The following MFSD6 variants were observed in gnomAD, a reference collection of about 807,000 sequenced individuals.
The protein encoded by MFSD6 is major facilitator superfamily domain containing 6.
In MFSD6, 26 loss-of-function variants were observed where a neutral mutation model predicts 56.3. The ratio of observed to expected loss-of-function variants is 0.46; its 90% CI spans 0.34 to 0.64. The LOEUF (loss-of-function observed/expected upper bound fraction) is 0.64. Ranked by LOEUF, MFSD6 falls within the 30% of genes least tolerant of loss-of-function variation. MFSD6 has a pLI of 0.01. For missense variants in MFSD6, 750 were observed against 986.2 expected, an observed-to-expected ratio of 0.76 and a Z score of 3.21; for synonymous variants, 331 against 366.9, an observed-to-expected ratio of 0.90 and a Z score of 1.12.
At chr2:190,482,240 T>C (rs1688715023) in intron 4 of MFSD6, among the ~76,000 whole-genome samples, 3 of 152,182 alleles carry the variant, frequency 2.0e-5, no homozygotes, top group African/African-American at 7.2e-5. Flanking sequence ...CTCCTGTTCA[T>C]TGGACTTTGT....
At position 190,436,001 on chromosome 2, in the gene MFSD6, T is replaced by G. The variant is rs747168714; in HGVS notation, c.-29T>G. ...GATCAACAGTACAAATTCTGAAGTTTGTAAACTTGCTGATGGTGGTGGTAA... is the reference window on the plus strand; with the variant it reads ...GATCAACAGTACAAATTCTGAAGTTGGTAAACTTGCTGATGGTGGTGGTAA... On this transcript the variant is annotated 5_prime_UTR_variant, in exon 3 of 8. Transcript: ENST00000392328. This position sits in a 1 kb window ranked among gnomAD's most constrained non-coding sequence, Gnocchi z 5.3. The G allele has an allele frequency of 1.9e-6, 3 of 1,578,708 alleles. No homozygotes were observed. Among genetic ancestry groups the G allele is most frequent in the South Asian group, 2.3e-5 (2 of 85,644 alleles).
intron 3 of MFSD6, among the ~76,000 whole-genome samples, chr2:190,460,137 T>C (rs1687248883): frequency 6.6e-6 from 1 of 152,244 alleles, no homozygotes. Context: ...GCTCAGAGCA[T>C]GTGCTGAAGT....
Position 190,433,213 on chromosome 2 carries a change from G to GT in MFSD6, c.-53-2763dup, listed in dbSNP as rs1257693329. ...TTTAATCTGCTCTCTTTACCCAGAA[G>GT]TATCACATAATTTTATACATTTGAA... On this transcript the variant is annotated intron_variant, in intron 2 of 7. Coordinates refer to ENST00000392328, the MANE Select transcript of MFSD6 (RefSeq NM_017694.4). This position sits in a 1 kb window ranked among gnomAD's most constrained non-coding sequence, Gnocchi z 4.5. 1 of 152,142 alleles carries GT rather than the reference G, an allele frequency of 6.6e-6. No homozygotes were observed. The highest frequency in any genetic ancestry group is 6.5e-5 in the Admixed American group (1 of 15,268). 9.4% of individuals were successfully genotyped at this position (152,142 alleles called of 1,614,324 possible). A position where few individuals can be genotyped will look rare whatever the true frequency, so the allele number is the denominator to read the frequency against.
At position 190,457,792 on chromosome 2, in the gene MFSD6, C is replaced by T. The variant is rs775115044; in HGVS notation, c.1533-11966C>T. On this transcript the variant is annotated intron_variant, in intron 3 of 7. Transcript: ENST00000392328. The surrounding 1 kb of genome is among the most constrained non-coding windows in gnomAD (Gnocchi z 5.1). ...CAGTTATGACCACTCCTGAGAAAGT[C>T]CACCTCAACTATGCATGTGCCCTGG... is the stretch of plus-strand genomic sequence containing the variant. Among the ~76,000 whole-genome samples the T allele has an allele frequency of 1.3e-5, 2 of 152,174 alleles. No individual in the cohort carries two copies. Among genetic ancestry groups the T allele is most frequent in the Non-Finnish European group, 2.9e-5 (2 of 68,028 alleles).
At chr2:190,452,707 A>G (rs1200079951) in intron 3 of MFSD6, among the ~76,000 whole-genome samples, 1 of 152,070 alleles carries the variant, frequency 6.6e-6, no homozygotes, top group African/African-American at 2.4e-5. Flanking sequence ...AATGGTTTCA[A>G]CCACCCTCCT....
intron 3 of MFSD6, among the ~76,000 whole-genome samples, chr2:190,450,526 T>C (rs1686742075): frequency 1.6e-5 from 2 of 121,290 alleles, no homozygotes; most frequent in South Asian, 5.7e-4. Flanking sequence ...GGGGTCTCAC[T>C]CTGTCTCCCA....
At position 190,463,778 on chromosome 2, in the gene MFSD6, C is replaced by T; in HGVS notation, c.1533-5980C>T. 1.5e-6 allele frequency: 1 copy of T among 667,216 alleles called. No individual in the cohort carries two copies. The highest frequency in any genetic ancestry group is 1.9e-6 in the Non-Finnish European group (1 of 539,404). The allele number at this position is 667,216 out of a possible 1,614,324, so 41.3% of individuals were successfully genotyped here. ...AAGGCTGCATTGAGCTGTGATGACG[C>T]TACTGCACTCCAGCCTGGGTAACAG... On this transcript the variant is annotated intron_variant, in intron 3 of 7. Transcript: ENST00000392328. The surrounding 1 kb of genome is among the most constrained non-coding windows in gnomAD (Gnocchi z 4.4).
In MFSD6 at chr2:190,423,380, T is replaced by C. The variant is rs1685693003; in HGVS notation, c.-54+7967T>C. On this transcript the variant is annotated intron_variant, in intron 2 of 7. Coordinates refer to ENST00000392328, the MANE Select transcript of MFSD6 (RefSeq NM_017694.4). The surrounding 1 kb of genome is among the most constrained non-coding windows in gnomAD (Gnocchi z 4.3). ...CAAGAATGTTATATGAATAGAATCA[T>C]ACAGTATGTAATGTTTTGAGATAGG... 6.6e-6 allele frequency among the ~76,000 whole-genome samples: 1 copy of C among 152,244 alleles called. No homozygotes were observed. The highest frequency in any genetic ancestry group is 2.4e-5 in the African/African-American group (1 of 41,464).
At position 190,471,085 on chromosome 2, in the gene MFSD6, G is replaced by C. The variant is rs1574186340; in HGVS notation, c.1630+1230G>C. Among the ~76,000 whole-genome samples, 1 of 152,110 alleles carries C rather than the reference G, an allele frequency of 6.6e-6. No individual in the cohort carries two copies. The highest frequency in any genetic ancestry group is 2.1e-4 in the South Asian group (1 of 4,824). ...GAGGGGAGGCACACATCTCAGTTTT[G>C]TGTCATTTAAGAATAACAGGAGGGT... On this transcript the variant is annotated intron_variant, in intron 4 of 7. Transcript: ENST00000392328. This position sits in a 1 kb window ranked among gnomAD's most constrained non-coding sequence, Gnocchi z 4.7.
intron 6 of MFSD6, among the ~76,000 whole-genome samples, chr2:190,493,496 A>T (rs369756651): frequency 6.6e-6 from 1 of 152,188 alleles, no homozygotes; most frequent in East Asian, 1.9e-4. Flanking sequence ...CAACAAAGAA[A>T]CAATGGATTT....
chr2:190,411,194 T>C (rs80123816), intron 1 of MFSD6: 214,840 of 917,918 alleles, frequency 0.23, 25,588 homozygotes, highest in East Asian at 0.29. Flanking sequence ...AGAGTCTCGC[T>C]CTGTCACCAG....
chr2:190,450,945 T>TC (rs1162310276), intron 3 of MFSD6, among the ~76,000 whole-genome samples: 11 of 152,184 alleles, frequency 7.2e-5, no homozygotes, highest in Admixed American at 7.2e-4. Flanking sequence ...CAGTGAGGAA[T>TC]CCTCAGTGAT....
At position 190,491,175 on chromosome 2, in the gene MFSD6, A is replaced by C. The variant is rs761952887; in HGVS notation, c.1891+1309A>C. ...AAAATAAGCAATCAAATTTTAACTCATCTTTGATTAGTGAGAATATGGTAC... is the reference window on the plus strand; with the variant it reads ...AAAATAAGCAATCAAATTTTAACTCCTCTTTGATTAGTGAGAATATGGTAC... On this transcript the variant is annotated intron_variant, in intron 6 of 7. Coordinates refer to ENST00000392328, the MANE Select transcript of MFSD6 (RefSeq NM_017694.4). This position sits in a 1 kb window ranked among gnomAD's most constrained non-coding sequence, Gnocchi z 4.2. Among the ~76,000 whole-genome samples, 1 of 152,240 alleles carries C rather than the reference A, an allele frequency of 6.6e-6. No homozygotes were observed. Among genetic ancestry groups the C allele is most frequent in the East Asian group, 1.9e-4 (1 of 5,204 alleles).
chr2:190,473,628 C>CT (rs1412773593), intron 4 of MFSD6, among the ~76,000 whole-genome samples: 6 of 152,192 alleles, frequency 3.9e-5, no homozygotes, highest in Non-Finnish European at 8.8e-5. Flanking sequence ...TAATTGGAGA[C>CT]TTTAACACCC....
chr2:190,428,116 G>T (rs191639109), intron 2 of MFSD6, among the ~76,000 whole-genome samples: 1 of 152,234 alleles, frequency 6.6e-6, no homozygotes, highest in Admixed American at 6.5e-5. Context: ...GTGATCTTTT[G>T]TTTCCTGCTT....
rs1366869875 is a variant in MFSD6 at position 190,411,176 on chromosome 2, TTTCAGA to T, written c.-176+2674_-176+2679del. ...GTTGACAGTAGTTTTTTTTTTTTTT[TTTCAGA>T]CAGAGTCTCGCTCTGTCACCAGGCT... On this transcript the variant is annotated intron_variant, in intron 1 of 7. Coordinates refer to ENST00000392328, the MANE Select transcript of MFSD6 (RefSeq NM_017694.4). 4 of 974,664 alleles carry T rather than the reference TTTCAGA, an allele frequency of 4.1e-6. No homozygotes were observed. The African/African-American group carries it at 7.1e-5, about 17-fold the overall frequency. 60.4% of individuals were successfully genotyped at this position (974,664 alleles called of 1,614,324 possible).
In MFSD6 at chr2:190,454,784, G is replaced by T. The variant is rs1179103168; in HGVS notation, c.1533-14974G>T. ...ATAGAGTAAGGAGAGCCTGAGGCAG[G>T]TATAGAGGGATGGGATCCCCAAAGA... On this transcript the variant is annotated intron_variant, in intron 3 of 7. Transcript: ENST00000392328. The surrounding 1 kb of genome is among the most constrained non-coding windows in gnomAD (Gnocchi z 4.6). Among the ~76,000 whole-genome samples the T allele has an allele frequency of 2.6e-5, 4 of 152,164 alleles. No homozygotes were observed. Among genetic ancestry groups the T allele is most frequent in the Admixed American group, 1.3e-4 (2 of 15,268 alleles).
At position 190,436,934 on chromosome 2, in the gene MFSD6, G is replaced by A. The variant is rs779834812; in HGVS notation, c.905G>A (p.Ser302Asn). 8 of 1,614,080 alleles carry A rather than the reference G, an allele frequency of 5.0e-6. No individual in the cohort carries two copies. The highest frequency in any genetic ancestry group is 1.7e-6 in the Non-Finnish European group (2 of 1,180,054). Reference sequence around the variant, plus strand: ...GTTGTCATAATAGGAGAATTTTTCAGTGCCTCTTCTGTCACAATCGTAGAC... The same window carrying A: ...GTTGTCATAATAGGAGAATTTTTCAATGCCTCTTCTGTCACAATCGTAGAC... ...LVVVIIGEFF[S>N]ASSVTIVDTV... is the part of the protein sequence containing the mutation. Residue 302 changes from serine (S) to asparagine (N), a missense_variant, in exon 3 of 8, where the codon AGT becomes AAT. This residue lies in a region of MFSD6 where 376 missense variants were observed against 437.9 expected (regional missense o/e 0.86). Transcript: ENST00000392328. The surrounding 1 kb of genome is among the most constrained non-coding windows in gnomAD (Gnocchi z 5.3).
intron 2 of MFSD6, among the ~76,000 whole-genome samples, chr2:190,428,783 C>A (rs1393283250): frequency 6.6e-6 from 1 of 152,070 alleles, no homozygotes; most frequent in African/African-American, 2.4e-5. Context: ...AGTGATTCTC[C>A]TGCCTCAGCC....
Sources: allele counts gnomAD v4.1 joint callset (sites outside exome capture counted in the v4.1 genomes callset), GRCh38; gene constraint gnomAD v4.1.1; regional missense constraint gnomAD v4.1.1; non-coding constraint Gnocchi (gnomAD v3.1); transcripts MANE v1.5; gene names NCBI Gene and HGNC (gene_info 2026-07-23, HGNC 2026-07-21).